PPARG: variants seen among roughly 807,000 people sequenced by gnomAD.
The protein encoded by PPARG is peroxisome proliferator activated receptor gamma.
PPARG carries 17 observed loss-of-function variants against 39.2 expected under a neutral mutation model. The ratio of observed to expected loss-of-function variants is 0.43; its 90% confidence interval spans 0.30 to 0.65. The LOEUF (loss-of-function observed/expected upper bound fraction) is 0.65, where lower values mean the gene tolerates loss of function less well. Ranked by LOEUF, PPARG falls within the 30% of genes least tolerant of loss-of-function variation. The pLI, the probability that PPARG is intolerant of heterozygous loss-of-function variation, is 0.13. For synonymous variants in PPARG, 223 were observed against 215.7 expected (o/e 1.03, Z -0.30); for missense variants, 406 against 585.9 (o/e 0.69, Z 3.17).
intron 2 of PPARG, among the ~76,000 whole-genome samples, chr3:12,354,268 A>G (rs996861483): frequency 1.3e-5 from 2 of 152,186 alleles, no homozygotes; most frequent in Non-Finnish European, 2.9e-5. Context: ...TTGCTGTGTG[A>G]ATTTAAGCAC....
intron 4 of PPARG, among the ~76,000 whole-genome samples, chr3:12,382,311 A>G (rs977970099): frequency 1.1e-4 from 17 of 152,270 alleles, no homozygotes; most frequent in African/African-American, 4.1e-4. Flanking sequence ...ACGTTTAGTA[A>G]TTTATTGCTT....
At chr3:12,384,497 T>C (rs533414206) in intron 4 of PPARG, among the ~76,000 whole-genome samples, 2 of 152,294 alleles carry the variant, frequency 1.3e-5, no homozygotes, top group South Asian at 4.1e-4. Flanking sequence ...TACCAGATAC[T>C]ATGTGAGGTA....
chr3:12,318,450 A>T (rs1380580852), intron 2 of PPARG, among the ~76,000 whole-genome samples: 1 of 152,218 alleles, frequency 6.6e-6, no homozygotes, highest in Non-Finnish European at 1.5e-5. Flanking sequence ...ATCAGTTTTT[A>T]AAAAATATTC....
intron 7 of PPARG, among the ~76,000 whole-genome samples, chr3:12,423,630 G>A (rs1487380593): frequency 6.6e-6 from 1 of 152,176 alleles, no homozygotes; most frequent in Admixed American, 6.5e-5. Context: ...TACATTACTA[G>A]TTAACTGGAG....
intron 1 of PPARG, among the ~76,000 whole-genome samples, chr3:12,301,276 C>T (rs1328829422): frequency 6.6e-6 from 1 of 152,182 alleles, no homozygotes. Context: ...ACAAACTCTG[C>T]TTAGTACCAC....
chr3:12,427,776 G>C (rs947986385), intron 7 of PPARG, among the ~76,000 whole-genome samples: 1 of 152,134 alleles, frequency 6.6e-6, no homozygotes, highest in African/African-American at 2.4e-5. Flanking sequence ...AAGCGCAAAA[G>C]GAACTTAAAT....
intron 5 of PPARG, among the ~76,000 whole-genome samples, chr3:12,398,906 C>T (rs73813195): frequency 0.029 from 4,407 of 152,182 alleles, 178 homozygotes; most frequent in African/African-American, 0.093. Context: ...CAAACACAGA[C>T]GGAGTGAAAA....
chr3:12,339,411 T>C (rs966643475), intron 2 of PPARG, among the ~76,000 whole-genome samples: 2 of 152,168 alleles, frequency 1.3e-5, no homozygotes, highest in African/African-American at 4.8e-5. Flanking sequence ...GCTTGGTAAA[T>C]TTACTAAAAT....
intron 4 of PPARG, among the ~76,000 whole-genome samples, chr3:12,391,530 A>C (rs1303288559): frequency 6.6e-6 from 1 of 152,216 alleles, no homozygotes; most frequent in East Asian, 1.9e-4. Flanking sequence ...AGTGATTTCA[A>C]GGATTTTGGC....
chr3:12,374,776 G>GTT (rs1335247323), intron 2 of PPARG, among the ~76,000 whole-genome samples: 2 of 151,822 alleles, frequency 1.3e-5, no homozygotes, highest in Non-Finnish European at 2.9e-5. Flanking sequence ...GTAGAGAGGG[G>GTT]ACAGGAGGCT....
intron 2 of PPARG, chr3:12,328,005 A>C: frequency 1.1e-6 from 1 of 912,660 alleles, no homozygotes; most frequent in Non-Finnish European, 1.8e-6. Context: ...CCTACTGTAT[A>C]GTGATTGAAC....
chr3:12,434,001 G>C lies in PPARG; in HGVS notation c.1284G>C (p.Gln428His), dbSNP rs1251138457. 2.5e-6 allele frequency: 4 copies of C among 1,614,096 alleles called. No homozygotes were observed. Residue 428 changes from glutamine (Q) to histidine (H), a missense_variant, in exon 8 of 8, where the codon CAG (glutamine) becomes CAC (histidine). Around this residue, in one of 2 missense-constraint regions of PPARG, gnomAD observed 275 missense variants for 458.0 expected, o/e 0.60. Transcript: ENST00000651735. The surrounding 1 kb of genome is among the most constrained non-coding windows in gnomAD (Gnocchi z 4.2). Reference protein sequence around the residue: ...QLKLNHPESSQLFAKLLQKMT... With the variant: ...QLKLNHPESSHLFAKLLQKMT... ...AGCTGAACCACCCTGAGTCCTCACA[G>C]CTGTTTGCCAAGCTGCTCCAGAAAA...
intron 2 of PPARG, among the ~76,000 whole-genome samples, chr3:12,354,561 G>A (rs2048596023): frequency 6.6e-6 from 1 of 151,920 alleles, no homozygotes; most frequent in African/African-American, 2.4e-5. Context: ...AGACCATCCT[G>A]GCTAACACGA....
chr3:12,400,331 G>T (rs1056451669), intron 5 of PPARG, among the ~76,000 whole-genome samples: 3 of 152,168 alleles, frequency 2.0e-5, no homozygotes, highest in East Asian at 3.8e-4. Context: ...GTTATACCCA[G>T]ATCCAAAAAG....
intron 7 of PPARG, among the ~76,000 whole-genome samples, chr3:12,425,719 G>C (rs535539832): frequency 6.6e-6 from 1 of 152,172 alleles, no homozygotes; most frequent in Admixed American, 6.5e-5. Context: ...CTTAAGGGGG[G>C]ACTGCAGATG....
chr3:12,422,979 ATCTG>A (rs2051316054), intron 7 of PPARG, among the ~76,000 whole-genome samples: 1 of 152,192 alleles, frequency 6.6e-6, no homozygotes, highest in South Asian at 2.1e-4. Context: ...CACCATTTTA[ATCTG>A]TCTAACAAAA....
chr3:12,301,352 A>C (rs529915536), intron 1 of PPARG, among the ~76,000 whole-genome samples: 1 of 152,316 alleles, frequency 6.6e-6, no homozygotes, highest in Admixed American at 6.5e-5. Flanking sequence ...CTCATGCATA[A>C]AATAAAACTG....
chr3:12,396,811 T>C (rs1384373881), intron 5 of PPARG, among the ~76,000 whole-genome samples: 1 of 151,676 alleles, frequency 6.6e-6, no homozygotes, highest in East Asian at 1.9e-4. Flanking sequence ...TATTCAGAGC[T>C]CTTTTTAATG....
chr3:12,330,225 A>G (rs1364627007), intron 2 of PPARG, among the ~76,000 whole-genome samples: 1 of 151,014 alleles, frequency 6.6e-6, no homozygotes, highest in Non-Finnish European at 1.5e-5. Context: ...TGCTTTTCAC[A>G]GCTGCTATAC....
Sources: gnomAD v4.1 joint callset for allele counts (sites outside exome capture counted in the v4.1 genomes callset) on GRCh38, gnomAD v4.1.1 for gene constraint, gnomAD v4.1.1 regional missense constraint, Gnocchi (gnomAD v3.1) non-coding constraint, MANE v1.5 for transcripts, NCBI Gene and HGNC (gene_info 2026-07-23, HGNC 2026-07-21) for gene names.